POLD3: variants seen among roughly 807,000 people sequenced by gnomAD.
POLD3 encodes the protein DNA polymerase delta subunit 3.
POLD3 carries 19 observed loss-of-function variants against 58.2 expected under a neutral mutation model. The observed-to-expected ratio is 0.33, with a 90% CI of 0.23 to 0.48. The LOEUF (loss-of-function observed/expected upper bound fraction) is 0.48, where lower values mean the gene tolerates loss of function less well. Ranked by LOEUF, POLD3 falls within the 20% of genes least tolerant of loss-of-function variation. The probability of loss-of-function intolerance (pLI) is 0.99; values close to 1 mark genes in which losing one functional copy is unlikely to be tolerated. For missense variants in POLD3, 504 were observed against 545.5 expected (o/e 0.92, Z 0.76); for synonymous variants, 172 against 193.5 (o/e 0.89, Z 0.92).
chr11:74,599,468 G>A (rs984670783), intron 2 of POLD3, among the ~76,000 whole-genome samples: 2 of 150,190 alleles, frequency 1.3e-5, no homozygotes, highest in African/African-American at 2.5e-5. Flanking sequence ...AGGTTCAAAC[G>A]ATTCTCCTGC....
intron 4 of POLD3, among the ~76,000 whole-genome samples, chr11:74,659,003 C>T (rs2033171374): frequency 1.3e-5 from 2 of 152,216 alleles, no homozygotes; most frequent in Non-Finnish European, 2.9e-5. Flanking sequence ...CTCACACTTC[C>T]CTTCTGTACT....
In POLD3 at chr11:74,618,593, C is replaced by T. The variant is rs116112251; in HGVS notation, c.449C>T (p.Ser150Leu). 1,130 of 1,613,568 alleles carry T rather than the reference C, an allele frequency of 7.0e-4. 4 individuals carry two copies. In the African/African-American group the frequency reaches 0.013, roughly 18 times the overall value. ...CCTAGAGCTCCTGCTGAATCCTCTT[C>T]GTCTTCCAAAAAGTTTGAGCAGTCA... ...AVPRAPAESS[S>L]SSKKFEQSHL... The change falls in exon 6 of 12, where the codon TCG becomes TTG. Residue 150 changes from serine to leucine, a missense_variant. Around this residue, in one of 2 missense-constraint regions of POLD3, gnomAD observed 385 missense variants for 370.5 expected, o/e 1.04. Coordinates refer to ENST00000263681, the MANE Select transcript of POLD3 (RefSeq NM_006591.3).
downstream of POLD3, among the ~76,000 whole-genome samples, chr11:74,643,783 G>A (rs2032965931): frequency 6.6e-6 from 1 of 152,260 alleles, no homozygotes; most frequent in African/African-American, 2.4e-5. Flanking sequence ...TTGGTTCTCA[G>A]TTAAGAGTGA....
rs536406732 is a variant in POLD3 at position 74,642,931 on chromosome 11, T to C, written c.*2165T>C. 1.4e-3 allele frequency: 1,343 copies of C among 985,288 alleles called. 3 individuals carry two copies. Among genetic ancestry groups the C allele is most frequent in the Non-Finnish European group, 1.6e-3 (1,290 of 829,896 alleles). The allele number at this position is 985,288 out of a possible 1,614,324, so 61.0% of individuals were successfully genotyped here. On this transcript the variant is annotated 3_prime_UTR_variant, in exon 12 of 12. Transcript: ENST00000263681. ...AATGTTAGTTTCAGCCAACCTCATT[T>C]TTTAGTTCATCTAGAAGAAAATCTA...
At chr11:74,645,882 A>T (rs567124153), downstream of POLD3, among the ~76,000 whole-genome samples, 3 of 151,832 alleles carry the variant, frequency 2.0e-5, no homozygotes, top group South Asian at 6.2e-4. Flanking sequence ...CCACTGTGCT[A>T]TATTGCCTCT....
intron 11 of POLD3, among the ~76,000 whole-genome samples, 183 bp from the exon 12 acceptor site, chr11:74,640,381 G>C (rs1407014894): frequency 6.6e-6 from 1 of 152,158 alleles, no homozygotes; most frequent in Non-Finnish European, 1.5e-5. Flanking sequence ...GTGAGCTCAG[G>C]ATCCCACATA....
intron 11 of POLD3, among the ~76,000 whole-genome samples, 179 bp from the exon 12 acceptor site, chr11:74,640,385 C>A (rs1465552921): frequency 6.6e-6 from 1 of 152,112 alleles, no homozygotes; most frequent in Non-Finnish European, 1.5e-5. Context: ...GCTCAGGATC[C>A]CACATAGTTC....
At chr11:74,630,372 A>G (rs2032555979) in intron 9 of POLD3, among the ~76,000 whole-genome samples, 1 of 152,254 alleles carries the variant, frequency 6.6e-6, no homozygotes, top group African/African-American at 2.4e-5. Flanking sequence ...TGCAAAAGAA[A>G]TGAACAGACC....
chr11:74,642,047 C>A lies in POLD3; in HGVS notation c.*1281C>A. 2.0e-6 allele frequency: 2 copies of A among 985,446 alleles called. No homozygotes were observed. Among genetic ancestry groups the A allele is most frequent in the Non-Finnish European group, 1.2e-6 (1 of 829,928 alleles). 61.0% of individuals were successfully genotyped at this position (985,446 alleles called of 1,614,324 possible). ...CTGCGGAAGGGGTCAGGCTCAACTG[C>A]TGATGTGTCTCACACGTAGCAGACA... On this transcript the variant is annotated 3_prime_UTR_variant, in exon 12 of 12. Coordinates refer to ENST00000263681, the MANE Select transcript of POLD3 (RefSeq NM_006591.3).
chr11:74,647,852 G>C (rs2033019262), downstream of POLD3, among the ~76,000 whole-genome samples: 1 of 152,108 alleles, frequency 6.6e-6, no homozygotes, highest in Non-Finnish European at 1.5e-5. Context: ...TATCTAGTGA[G>C]GAGAGAGACA....
chr11:74,634,501 T>C, intron 9 of POLD3, 82 bp from the exon 10 acceptor site: 1 of 781,484 alleles, frequency 1.3e-6, no homozygotes, highest in Non-Finnish European at 2.3e-6. Flanking sequence ...GCTGGACATG[T>C]CAATTTAGAG....
intron 2 of POLD3, among the ~76,000 whole-genome samples, chr11:74,595,726 TC>T (rs1473415649): frequency 6.6e-6 from 1 of 152,164 alleles, no homozygotes; most frequent in African/African-American, 2.4e-5. Flanking sequence ...CAGGTGATTT[TC>T]CCACCTCAGC....
At chr11:74,597,583 C>G (rs1320577737) in intron 2 of POLD3, among the ~76,000 whole-genome samples, 1 of 152,210 alleles carries the variant, frequency 6.6e-6, no homozygotes. Context: ...TCCTCAGCCT[C>G]CCGACTAGCT....
chr11:74,642,829 A>G lies in POLD3; in HGVS notation c.*2063A>G, dbSNP rs529345688. ...GGAAGAAGGCTGGTTTTCAGTTGAT[A>G]TTGTTAAAACTGCATACCCACAGTC... On this transcript the variant is annotated 3_prime_UTR_variant, in exon 12 of 12. Transcript: ENST00000263681. 6,473 of 985,308 alleles carry G rather than the reference A, an allele frequency of 6.6e-3. 31 individuals are homozygous for G. Among genetic ancestry groups the G allele is most frequent in the Non-Finnish European group, 7.3e-3 (6,088 of 829,832 alleles). The allele number at this position is 985,308 out of a possible 1,614,324, so 61.0% of individuals were successfully genotyped here.
At chr11:74,628,659 C>T (rs994916834) in intron 8 of POLD3, among the ~76,000 whole-genome samples, 15 of 152,096 alleles carry the variant, frequency 9.9e-5, no homozygotes, top group African/African-American at 1.7e-4. Context: ...TGCCTTTGCT[C>T]ATATTGTTCT....
intron 11 of POLD3, 54 bp from the exon 12 acceptor site, chr11:74,640,510 C>T: frequency 1.4e-6 from 2 of 1,450,900 alleles, no homozygotes; most frequent in South Asian, 3.2e-5. Flanking sequence ...CCATTTTCTT[C>T]ATAGAGTAAA....
At chr11:74,604,351 A>G (rs2031601970) in intron 2 of POLD3, among the ~76,000 whole-genome samples, 1 of 152,220 alleles carries the variant, frequency 6.6e-6, no homozygotes, top group African/African-American at 2.4e-5. Context: ...TCCAGAGCTT[A>G]GACAGTTACC....
chr11:74,616,613 C>T (rs2032087066), intron 5 of POLD3, among the ~76,000 whole-genome samples: 2 of 152,272 alleles, frequency 1.3e-5, no homozygotes, highest in South Asian at 4.1e-4. Context: ...TGGGTGAAAG[C>T]AAATGATTTC....
Position 74,612,916 on chromosome 11 carries a change from G to A in POLD3, c.298G>A (p.Val100Met). 6.2e-7 allele frequency: 1 copy of A among 1,613,614 alleles called. No homozygotes were observed. Among genetic ancestry groups the A allele is most frequent in the South Asian group, 1.1e-5 (1 of 91,062 alleles). The change falls in exon 5 of 12, where the codon GTG becomes ATG. Residue 100 changes from valine to methionine, a missense_variant. Val to Met is a conservative substitution (Grantham distance 21). Coordinates refer to ENST00000263681, the MANE Select transcript of POLD3 (RefSeq NM_006591.3). Reference sequence around the variant, plus strand: ...GCTAGCTGTGACTGCCAGCATCCATGTGTACAGCATCCAGAAAGCCATGCT... The same window carrying A: ...GCTAGCTGTGACTGCCAGCATCCATATGTACAGCATCCAGAAAGCCATGCT... ...SKLAVTASIH[V>M]YSIQKAMLKD...
Sources: allele counts gnomAD v4.1 joint callset (sites outside exome capture counted in the v4.1 genomes callset), GRCh38; gene constraint gnomAD v4.1.1; regional missense constraint gnomAD v4.1.1; transcripts MANE v1.5; gene names NCBI Gene and HGNC (gene_info 2026-07-23, HGNC 2026-07-21).